RASA2: variants seen among roughly 807,000 people sequenced by gnomAD.
RASA2 encodes ras GTPase-activating protein 2.
RASA2 carries 155 observed loss-of-function variants against 118.2 expected under a neutral mutation model. That is an observed-to-expected ratio of 1.31 (90% CI 1.15 to 1.50). The LOEUF (loss-of-function observed/expected upper bound fraction) is 1.50. Ranked by LOEUF, RASA2 falls within the 40% of genes most tolerant of loss-of-function variation. The pLI, the probability that RASA2 is intolerant of heterozygous loss-of-function variation, is 0.00. For synonymous variants in RASA2, 353 were observed against 349.1 expected (o/e 1.01, Z -0.12); for missense variants, 1,016 against 1,009.6 (o/e 1.01, Z -0.09).
chr3:141,604,769 G>C (rs1042527104), intron 19 of RASA2, among the ~76,000 whole-genome samples: 1 of 138,466 alleles, frequency 7.2e-6, no homozygotes, highest in African/African-American at 2.6e-5. Context: ...GGTGTGGGGA[G>C]GGGGGAGGGA....
Position 141,609,054 on chromosome 3 carries a change from G to A in RASA2, c.2225+357G>A, listed in dbSNP as rs544572925. ...ACAAGTTAAAAAATTTTAAGGCAAT[G>A]TTTAAATAGAAGCATGAGCTTGAAC... On this transcript the variant is annotated intron_variant, in intron 21 of 23. Coordinates refer to ENST00000286364, the MANE Select transcript of RASA2 (RefSeq NM_006506.5). 3.3e-5 allele frequency among the ~76,000 whole-genome samples: 5 copies of A among 152,268 alleles called. No homozygotes were observed. In the East Asian group the frequency reaches 9.6e-4, roughly 29 times the overall value.
intron 3 of RASA2, among the ~76,000 whole-genome samples, chr3:141,520,931 G>T (rs2082103310): frequency 6.6e-6 from 1 of 152,134 alleles, no homozygotes; most frequent in South Asian, 2.1e-4. Flanking sequence ...TTCAAATAGG[G>T]CATAGGGACC....
At chr3:141,501,765 T>C (rs1234712429) in intron 1 of RASA2, among the ~76,000 whole-genome samples, 5 of 152,196 alleles carry the variant, frequency 3.3e-5, no homozygotes, top group Non-Finnish European at 5.9e-5. Flanking sequence ...TGGAATTAGA[T>C]TGGCACAACA....
intron 3 of RASA2, among the ~76,000 whole-genome samples, chr3:141,526,544 G>T (rs541361990): frequency 2.6e-5 from 4 of 151,948 alleles, no homozygotes; most frequent in Non-Finnish European, 5.9e-5. Flanking sequence ...CTAATAAAGT[G>T]CTGGACATGT....
intron 15 of RASA2, chr3:141,578,562 T>C (rs2083049633): frequency 6.6e-6 from 1 of 152,248 alleles, no homozygotes; most frequent in African/African-American, 2.4e-5. Context: ...CATGTTGCAG[T>C]GGCAGCACCA....
chr3:141,570,246 C>G (rs2082896448), intron 9 of RASA2, among the ~76,000 whole-genome samples: 2 of 151,432 alleles, frequency 1.3e-5, no homozygotes, highest in South Asian at 4.2e-4. Flanking sequence ...AAGTCTTGCT[C>G]TGTCATCCAG....
intron 5 of RASA2, among the ~76,000 whole-genome samples, chr3:141,548,850 T>A (rs1020907614): frequency 2.6e-5 from 4 of 152,188 alleles, no homozygotes; most frequent in African/African-American, 9.7e-5. Flanking sequence ...CTGTAGTCAT[T>A]TTCTCGCAGG....
chr3:141,521,457 C>T (rs1400230012), intron 3 of RASA2, among the ~76,000 whole-genome samples: 2 of 152,112 alleles, frequency 1.3e-5, no homozygotes, highest in East Asian at 3.8e-4. Flanking sequence ...GCCATCATAC[C>T]TTAAGAAAAA....
At chr3:141,544,862 A>G (rs1351688358) in intron 5 of RASA2, among the ~76,000 whole-genome samples, 4 of 152,240 alleles carry the variant, frequency 2.6e-5, no homozygotes, top group South Asian at 2.1e-4. Flanking sequence ...GAAGGCCATT[A>G]TCCTTAGCAG....
At chr3:141,517,810 C>T (rs995602014) in intron 3 of RASA2, among the ~76,000 whole-genome samples, 7 of 152,082 alleles carry the variant, frequency 4.6e-5, no homozygotes, top group South Asian at 4.2e-4. Context: ...CCCACCACCA[C>T]GCCCGACTAA....
Position 141,611,253 on chromosome 3 carries a change from TCTC to T in RASA2, c.2520-1023_2520-1021del, listed in dbSNP as rs1406575501. Among the ~76,000 whole-genome samples the T allele has an allele frequency of 3.3e-5, 5 of 152,202 alleles. No individual in the cohort carries two copies. In the East Asian group the frequency reaches 7.7e-4, roughly 23 times the overall value. ...CAGCCAACCTCAACAAGGTGATTTC[TCTC>T]CTCCTCAAGCTTGTTCCCCCATGGT... On this transcript the variant is annotated intron_variant, in intron 23 of 23. Transcript: ENST00000286364.
chr3:141,495,070 A>G (rs998759714), intron 1 of RASA2, among the ~76,000 whole-genome samples: 5 of 152,246 alleles, frequency 3.3e-5, no homozygotes, highest in African/African-American at 2.4e-5. Context: ...ATTGGGAGAA[A>G]ATATTTGCAG....
At chr3:141,587,772 A>G (rs1213897291) in intron 19 of RASA2, among the ~76,000 whole-genome samples, 1 of 151,550 alleles carries the variant, frequency 6.6e-6, no homozygotes, top group African/African-American at 2.4e-5. Flanking sequence ...CTGATATTTT[A>G]GCAAGAAGAA....
chr3:141,584,740 C>G (rs2083172585), intron 17 of RASA2, among the ~76,000 whole-genome samples: 1 of 152,144 alleles, frequency 6.6e-6, no homozygotes, highest in African/African-American at 2.4e-5. Context: ...TTTCACAATC[C>G]TAAATGTAAC....
chr3:141,578,910 AAGAC>A (rs2083056510), intron 15 of RASA2: 1 of 152,208 alleles, frequency 6.6e-6, no homozygotes, highest in African/African-American at 2.4e-5. Flanking sequence ...ATTTTCTTCA[AAGAC>A]AGAGAATTGT....
At chr3:141,511,163 G>A (rs1284079628) in intron 1 of RASA2, among the ~76,000 whole-genome samples, 2 of 152,122 alleles carry the variant, frequency 1.3e-5, no homozygotes, top group African/African-American at 4.8e-5. Flanking sequence ...GTGAGAGTAA[G>A]AGAGAAAAAT....
Position 141,577,996 on chromosome 3 carries a change from C to A in RASA2, c.1590+890C>A, listed in dbSNP as rs140597084. 4.7e-4 allele frequency among the ~76,000 whole-genome samples: 72 copies of A among 152,214 alleles called. 2 individuals carry two copies. In the East Asian group the frequency reaches 0.014, roughly 29 times the overall value. ...TCTTTAAGCTTTTATGTTCCAAATACTTTATAATCTTACCTAATTGCTCCT... is the reference window on the plus strand; with the variant it reads ...TCTTTAAGCTTTTATGTTCCAAATAATTTATAATCTTACCTAATTGCTCCT... On this transcript the variant is annotated intron_variant, in intron 15 of 23. Coordinates refer to ENST00000286364, the MANE Select transcript of RASA2 (RefSeq NM_006506.5).
chr3:141,555,658 A>G (rs2082638641), intron 6 of RASA2, among the ~76,000 whole-genome samples, 182 bp from the exon 7 acceptor site: 1 of 151,786 alleles, frequency 6.6e-6, no homozygotes, highest in Non-Finnish European at 1.5e-5. Context: ...CCTAAAGCTT[A>G]TATATTCTTT....
At chr3:141,607,167 A>C (rs1004438646) in intron 19 of RASA2, among the ~76,000 whole-genome samples, 15 of 152,080 alleles carry the variant, frequency 9.9e-5, no homozygotes, top group African/African-American at 3.6e-4. Context: ...TGGCTGATCA[A>C]CCCATATGGG....
Sources: gnomAD v4.1 joint callset for allele counts (sites outside exome capture counted in the v4.1 genomes callset) on GRCh38, gnomAD v4.1.1 for gene constraint, MANE v1.5 for transcripts, NCBI Gene and HGNC (gene_info 2026-07-23, HGNC 2026-07-21) for gene names.